Variants in SLC20A2 observed in about 807,000 individuals in gnomAD.
The protein encoded by SLC20A2 is sodium-dependent phosphate transporter 2.
SLC20A2 carries 30 observed loss-of-function variants against 61.0 expected under a neutral mutation model. That is an observed-to-expected ratio of 0.49 (90% CI 0.37 to 0.67). The LOEUF is 0.67. Ranked by LOEUF, SLC20A2 falls within the 30% of genes least tolerant of loss-of-function variation. The probability of loss-of-function intolerance (pLI) is 0.00; values close to 1 mark genes in which losing one functional copy is unlikely to be tolerated. For missense variants in SLC20A2, 626 were observed against 866.4 expected (o/e 0.72, Z 3.48); for synonymous variants, 351 against 353.3 (o/e 0.99, Z 0.07).
rs1209913666 is a variant in SLC20A2, at chr8:42,444,695, A to G, written c.681T>C (p.Ala227=). 1.9e-6 allele frequency: 3 copies of G among 1,614,002 alleles called. No individual in the cohort carries two copies. Among genetic ancestry groups the G allele is most frequent in the African/African-American group, 1.3e-5 (1 of 75,058 alleles). Residue 227 remains alanine (A), a synonymous_variant, in exon 6 of 11, where the codon GCT becomes GCC. Transcript: ENST00000520262. ...GACACACGAAGAGCCACACAAAAAA[A>G]GCGAACAGGAGGGCGACACCAAAGG... ...LISFGVALLF[A]FFVWLFVCPW... is the part of the protein sequence containing the mutation.
chr8:42,508,981 C>T (rs866621791), intron 1 of SLC20A2, among the ~76,000 whole-genome samples: 1 of 152,144 alleles, frequency 6.6e-6, no homozygotes, highest in Non-Finnish European at 1.5e-5. Context: ...TTGTCTTGGG[C>T]AATTACTTTC....
intron 1 of SLC20A2, among the ~76,000 whole-genome samples, chr8:42,522,973 C>T (rs1563546023): frequency 1.3e-5 from 2 of 151,400 alleles, no homozygotes; most frequent in African/African-American, 4.9e-5. Context: ...AATTCTCCCA[C>T]TTTGGCCTCC....
rs546587194 is a variant in SLC20A2, at chr8:42,526,480, T to C, written c.-265+15341A>G. Among the ~76,000 whole-genome samples, 4 of 152,112 alleles carry C rather than the reference T, an allele frequency of 2.6e-5. No individual in the cohort carries two copies. In the South Asian group the frequency reaches 6.2e-4, roughly 24 times the overall value. ...CTAGGTCAGGAGATCGAGACCCTCC[T>C]GGCTAACACAGTGAAACCCCGTCTC... On this transcript the variant is annotated intron_variant, in intron 1 of 10. Coordinates refer to the SLC20A2 transcript ENST00000342228.
chr8:42,504,876 A>AAAAAAAAAAAG, upstream of SLC20A2, among the ~76,000 whole-genome samples: 1 of 146,052 alleles, frequency 6.8e-6, no homozygotes, highest in African/African-American at 2.6e-5. Flanking sequence ...AAAAAAAAAA[A>AAAAAAAAAAAG]AAAAAAAAAA....
intron 1 of SLC20A2, among the ~76,000 whole-genome samples, chr8:42,483,879 T>G (rs948712704): frequency 6.6e-6 from 1 of 152,232 alleles, no homozygotes; most frequent in Non-Finnish European, 1.5e-5. Context: ...GAACCATGTA[T>G]GAAAATAGAT....
intron 5 of SLC20A2, among the ~76,000 whole-genome samples, chr8:42,446,559 A>G (rs756247291): frequency 5.9e-5 from 9 of 152,256 alleles, no homozygotes; most frequent in Non-Finnish European, 1.0e-4. Flanking sequence ...ATGCAGGTCT[A>G]TATGTACTGA....
chr8:42,541,518 G>GGA (rs199704067), intron 1 of SLC20A2: 16 of 125,792 alleles, frequency 1.3e-4, no homozygotes, highest in East Asian at 9.6e-4. Flanking sequence ...AAGGGGAAAG[G>GGA]AAAAAAAAAA....
chr8:42,518,310 T>C (rs1359603088), intron 1 of SLC20A2, among the ~76,000 whole-genome samples: 1 of 152,252 alleles, frequency 6.6e-6, no homozygotes, highest in Non-Finnish European at 1.5e-5. Context: ...TGGTTGACTA[T>C]ATTATTTTAC....
chr8:42,530,745 T>A (rs754125706), intron 1 of SLC20A2, among the ~76,000 whole-genome samples: 1 of 152,178 alleles, frequency 6.6e-6, no homozygotes, highest in Admixed American at 6.5e-5. Flanking sequence ...TGAGACAGTC[T>A]TACTCTGTCA....
intron 4 of SLC20A2, 65 bp from the exon 5 acceptor site, chr8:42,460,057 A>G (rs774237010): frequency 3.7e-5 from 31 of 830,250 alleles, no homozygotes; most frequent in Non-Finnish European, 5.9e-5. Context: ...GCCAACACAG[A>G]CAAAATGATA....
At chr8:42,447,358 A>G (rs1351472230) in intron 5 of SLC20A2, among the ~76,000 whole-genome samples, 1 of 151,696 alleles carries the variant, frequency 6.6e-6, no homozygotes, top group Non-Finnish European at 1.5e-5. Flanking sequence ...AAAAAAAAAA[A>G]AAATTAACAT....
chr8:42,424,308 T>G (rs16891302), intron 10 of SLC20A2, among the ~76,000 whole-genome samples: 10,956 of 146,444 alleles, frequency 0.075, 714 homozygotes, highest in African/African-American at 0.17. Flanking sequence ...TGTCTTCAAT[T>G]AAGGCTTTTT....
At chr8:42,486,939 C>G (rs953823664) in intron 1 of SLC20A2, among the ~76,000 whole-genome samples, 6 of 151,628 alleles carry the variant, frequency 4.0e-5, no homozygotes, top group Non-Finnish European at 7.4e-5. Flanking sequence ...TGATCTCAGC[C>G]CACCACAACC....
At chr8:42,442,416 A>C (rs1586042097) in intron 6 of SLC20A2, among the ~76,000 whole-genome samples, 1 of 152,150 alleles carries the variant, frequency 6.6e-6, no homozygotes, top group Non-Finnish European at 1.5e-5. Context: ...TAATGTTCTT[A>C]TTTTGGCATA....
chr8:42,417,987 A>G lies in SLC20A2; in HGVS notation c.1795-20T>C. 6.2e-7 allele frequency: 1 copy of G among 1,609,704 alleles called. No individual in the cohort carries two copies. ...GCCCACCTGTGGGAGCAGACATTGC[A>G]AAGTAAAAACAGGTGAGCCACAAAG... On this transcript the variant is annotated intron_variant, in intron 10 of 10. Transcript: ENST00000520262.
intron 5 of SLC20A2, among the ~76,000 whole-genome samples, chr8:42,454,302 G>A (rs972899092): frequency 6.6e-6 from 1 of 151,996 alleles, no homozygotes; most frequent in African/African-American, 2.4e-5. Context: ...GCGCCCGGCC[G>A]AATTTTGGTA....
At chr8:42,530,178 G>C (rs1812233853) in intron 1 of SLC20A2, among the ~76,000 whole-genome samples, 1 of 151,964 alleles carries the variant, frequency 6.6e-6, no homozygotes, top group South Asian at 2.1e-4. Context: ...TGGTATACAG[G>C]CCAGAGACCC....
chr8:42,477,464 C>CTTTTT (rs56302974), intron 1 of SLC20A2, among the ~76,000 whole-genome samples: 1 of 50,276 alleles, frequency 2.0e-5, no homozygotes. Context: ...GGGACAGGGA[C>CTTTTT]TTTTTTTTTT....
intron 1 of SLC20A2, among the ~76,000 whole-genome samples, chr8:42,514,119 G>A (rs1351172872): frequency 1.3e-5 from 2 of 152,136 alleles, no homozygotes; most frequent in Admixed American, 1.3e-4. Context: ...AAAATCTCCT[G>A]AGAAGCTTTA....
Sources: allele counts gnomAD v4.1 joint callset (sites outside exome capture counted in the v4.1 genomes callset), GRCh38; gene constraint gnomAD v4.1.1; transcripts MANE v1.5; gene names NCBI Gene and HGNC (gene_info 2026-07-23, HGNC 2026-07-21).